Variants in PARD3 observed in about 807,000 individuals in gnomAD.
The protein encoded by PARD3 is partitioning defective 3 homolog.
In PARD3, 75 loss-of-function variants were observed where a neutral mutation model predicts 155.4. The ratio of observed to expected loss-of-function variants is 0.48; its 90% CI spans 0.40 to 0.58. The LOEUF is 0.58. Among genes scored for constraint, PARD3 ranks in the 20% least tolerant of loss-of-function variants. The pLI is 0.00. For synonymous variants in PARD3, 576 were observed against 610.5 expected (o/e 0.94, Z 0.83); for missense variants, 1,642 against 1,721.7 (o/e 0.95, Z 0.82).
chr10:34,357,941 T>C (rs1019372182), intron 14 of PARD3, among the ~76,000 whole-genome samples: 1 of 152,190 alleles, frequency 6.6e-6, no homozygotes, highest in Non-Finnish European at 1.5e-5. Context: ...GAGTGGTCAC[T>C]GCAACCTGAA....
At chr10:34,277,480 A>G (rs1421270994) in intron 21 of PARD3, among the ~76,000 whole-genome samples, 1 of 152,150 alleles carries the variant, frequency 6.6e-6, no homozygotes, top group African/African-American at 2.4e-5. Flanking sequence ...AACAGTTCCA[A>G]TTTTAAGTGG....
At chr10:34,573,737 AC>A (rs1233564363) in intron 2 of PARD3, among the ~76,000 whole-genome samples, 5 of 9,840 alleles carry the variant, frequency 5.1e-4, no homozygotes, top group African/African-American at 2.5e-3. Flanking sequence ...ACAAACAAAA[AC>A]ACACACACAC....
chr10:34,767,146 T>C (rs1838203771), intron 1 of PARD3, among the ~76,000 whole-genome samples: 1 of 152,174 alleles, frequency 6.6e-6, no homozygotes, highest in Admixed American at 6.5e-5. Flanking sequence ...GCACCCACTA[T>C]GGGCCCAAGG....
At chr10:34,808,368 A>C (rs1192931867) in intron 1 of PARD3, among the ~76,000 whole-genome samples, 2 of 152,140 alleles carry the variant, frequency 1.3e-5, no homozygotes, top group Non-Finnish European at 2.9e-5. Flanking sequence ...GACAAAAAAA[A>C]ATCAGTCATC....
At position 34,250,854 on chromosome 10, in the gene PARD3, G is replaced by A. The variant is rs372263416; in HGVS notation, c.3419+18803C>T. ...TTAAATATATCATACAGCTATTGAA[G>A]ACGGCCTTATCATTCCCCTCCACAC... On this transcript the variant is annotated intron_variant, in intron 22 of 24. Transcript: ENST00000374788. Among the ~76,000 whole-genome samples the A allele has an allele frequency of 1.2e-3, 186 of 152,214 alleles. 1 individual carries two copies. Among genetic ancestry groups the A allele is most frequent in the African/African-American group, 4.3e-3 (179 of 41,524 alleles).
intron 1 of PARD3, among the ~76,000 whole-genome samples, chr10:34,749,678 T>A (rs993683271): frequency 1.8e-4 from 27 of 152,176 alleles, no homozygotes; most frequent in Admixed American, 9.8e-4. Flanking sequence ...TATATGGACT[T>A]CTTGGATAGT....
chr10:34,411,433 A>C (rs1022942041), intron 5 of PARD3, among the ~76,000 whole-genome samples: 1 of 152,114 alleles, frequency 6.6e-6, no homozygotes, highest in Non-Finnish European at 1.5e-5. Context: ...TGTCCTCCCT[A>C]ATGTGGGTGA....
At chr10:34,112,856 A>G (rs1006473721) in intron 24 of PARD3, among the ~76,000 whole-genome samples, 1 of 152,236 alleles carries the variant, frequency 6.6e-6, no homozygotes, top group Non-Finnish European at 1.5e-5. Flanking sequence ...ACCTCTGGCT[A>G]TGACGATGAC....
At chr10:34,141,047 A>C (rs577595115) in intron 22 of PARD3, among the ~76,000 whole-genome samples, 1 of 152,156 alleles carries the variant, frequency 6.6e-6, no homozygotes, top group Non-Finnish European at 1.5e-5. Context: ...GCATTTTTCT[A>C]TGATAATCCC....
intron 1 of PARD3, 39 bp downstream of exon 1, chr10:34,814,836 CG>C: frequency 3.4e-5 from 41 of 1,207,974 alleles, no homozygotes; most frequent in Admixed American, 4.4e-5. Context: ...GCGCCGTCCC[CG>C]CCGCCGCCCC....
At chr10:34,356,424 T>G (rs966241973) in intron 14 of PARD3, among the ~76,000 whole-genome samples, 6 of 152,144 alleles carry the variant, frequency 3.9e-5, no homozygotes, top group Non-Finnish European at 8.8e-5. Context: ...CTTCCATGTA[T>G]AAGAGAAAGA....
intron 2 of PARD3, among the ~76,000 whole-genome samples, chr10:34,521,134 G>A (rs764253668): frequency 6.6e-6 from 1 of 152,104 alleles, no homozygotes; most frequent in African/African-American, 2.4e-5. Flanking sequence ...CCACATGATG[G>A]AAGAGCTTAT....
intron 19 of PARD3, among the ~76,000 whole-genome samples, chr10:34,328,327 T>C (rs1464106315): frequency 1.3e-5 from 2 of 152,146 alleles, no homozygotes; most frequent in African/African-American, 4.8e-5. Context: ...TGGGGTGTTT[T>C]CCACATGGGC....
intron 2 of PARD3, among the ~76,000 whole-genome samples, chr10:34,688,858 A>G (rs899218998): frequency 1.3e-5 from 2 of 152,250 alleles, no homozygotes; most frequent in African/African-American, 2.4e-5. Flanking sequence ...TCCATAAAAA[A>G]TAAGTTTTTA....
At chr10:34,793,272 G>A (rs1355794746) in intron 1 of PARD3, among the ~76,000 whole-genome samples, 3 of 152,292 alleles carry the variant, frequency 2.0e-5, no homozygotes, top group South Asian at 2.1e-4. Flanking sequence ...GACAACTCAC[G>A]AACACAAGGG....
chr10:34,399,194 T>C, intron 7 of PARD3, 136 bp downstream of exon 7: 1 of 665,028 alleles, frequency 1.5e-6, no homozygotes, highest in Non-Finnish European at 2.7e-6. Flanking sequence ...TATATAGGAA[T>C]GAAGGAGCAG....
intron 4 of PARD3, among the ~76,000 whole-genome samples, chr10:34,459,114 C>T (rs895400440): frequency 2.6e-5 from 4 of 152,170 alleles, no homozygotes; most frequent in Admixed American, 6.5e-5. Flanking sequence ...AATTTAAAAA[C>T]ATTTTAGAAA....
At chr10:34,136,675 G>C (rs1300743092) in intron 22 of PARD3, among the ~76,000 whole-genome samples, 2 of 152,142 alleles carry the variant, frequency 1.3e-5, no homozygotes, top group Non-Finnish European at 2.9e-5. Context: ...CCAAAGAAGA[G>C]AGGAAAATAC....
At chr10:34,188,428 T>C (rs1950573927) in intron 22 of PARD3, among the ~76,000 whole-genome samples, 1 of 152,056 alleles carries the variant, frequency 6.6e-6, no homozygotes, top group Non-Finnish European at 1.5e-5. Flanking sequence ...TTACTTATGA[T>C]CCAGGATAAC....
Sources: allele counts gnomAD v4.1 joint callset (sites outside exome capture counted in the v4.1 genomes callset), GRCh38; gene constraint gnomAD v4.1.1; transcripts MANE v1.5; gene names NCBI Gene and HGNC (gene_info 2026-07-23, HGNC 2026-07-21).